Variants in PTPRD observed in about 807,000 individuals in gnomAD.
The protein encoded by PTPRD is receptor-type tyrosine-protein phosphatase delta.
Under a neutral mutation model 214.5 loss-of-function variants are expected in PTPRD, and 34 were observed. The ratio of observed to expected loss-of-function variants is 0.16; its 90% CI spans 0.12 to 0.21. The LOEUF (loss-of-function observed/expected upper bound fraction) is 0.21. Among genes scored for constraint, PTPRD ranks in the 10% least tolerant of loss-of-function variants. The pLI is 1.00. For missense variants in PTPRD, 2,545 were observed against 2,398.7 expected (o/e 1.06, Z -1.27); for synonymous variants, 1,128 against 845.7 (o/e 1.33, Z -5.79).
At chr9:8,675,968 C>A (rs10124538) in intron 12 of PTPRD, among the ~76,000 whole-genome samples, 1 of 152,154 alleles carries the variant, frequency 6.6e-6, no homozygotes, top group South Asian at 2.1e-4. Flanking sequence ...TCAACTCCAA[C>A]CCTCAGAATC....
intron 43 of PTPRD, 69 bp from the exon 44 acceptor site, chr9:8,331,805 CACAAGA>C: frequency 3.4e-6 from 5 of 1,474,416 alleles, no homozygotes; most frequent in Non-Finnish European, 4.5e-6. Flanking sequence ...GCATACGGAC[CACAAGA>C]ACAATCATTT....
chr9:8,626,942 A>G (rs558265842), intron 14 of PTPRD, among the ~76,000 whole-genome samples: 1 of 151,804 alleles, frequency 6.6e-6, no homozygotes, highest in African/African-American at 2.4e-5. Flanking sequence ...CTCTTTCTCC[A>G]GAGAACCCTA....
chr9:9,243,312 C>A (rs1034346204), intron 9 of PTPRD, among the ~76,000 whole-genome samples: 2 of 152,108 alleles, frequency 1.3e-5, no homozygotes, highest in Admixed American at 6.6e-5. Context: ...CATCCCGATA[C>A]CAAAGCCTGG....
intron 2 of PTPRD, among the ~76,000 whole-genome samples, chr9:10,369,300 C>T (rs1314252885): frequency 6.6e-6 from 1 of 152,078 alleles, no homozygotes; most frequent in Non-Finnish European, 1.5e-5. Context: ...TCAATTAGCA[C>T]ATTGCATCTA....
At chr9:10,015,575 C>T (rs989615115) in intron 4 of PTPRD, among the ~76,000 whole-genome samples, 4 of 152,084 alleles carry the variant, frequency 2.6e-5, no homozygotes, top group Non-Finnish European at 5.9e-5. Context: ...AAGTAGGAGT[C>T]AATCCAAGCC....
At chr9:10,440,038 G>C (rs2098748532) in intron 2 of PTPRD, among the ~76,000 whole-genome samples, 2 of 150,954 alleles carry the variant, frequency 1.3e-5, no homozygotes, top group African/African-American at 4.9e-5. Context: ...ATATATAATA[G>C]TTTCAAATAT....
Position 8,316,789 on chromosome 9 carries a change from A to G in PTPRD, c.*1085T>C, listed in dbSNP as rs1314275977. 3.0e-5 allele frequency: 7 copies of G among 231,338 alleles called. No individual in the cohort carries two copies. Among genetic ancestry groups the G allele is most frequent in the South Asian group, 1.8e-4 (1 of 5,512 alleles). The allele number at this position is 231,338 out of a possible 1,614,324, so 14.3% of individuals were successfully genotyped here. ...AATCAATCACTGATGTGCATTCCTC[A>G]TTTCCCTTTAAAGAAATACCAATAT... On this transcript the variant is annotated 3_prime_UTR_variant, in exon 46 of 46. Transcript: ENST00000381196.
intron 6 of PTPRD, among the ~76,000 whole-genome samples, chr9:9,754,678 T>G (rs1462714643): frequency 6.6e-6 from 1 of 152,106 alleles, no homozygotes; most frequent in African/African-American, 2.4e-5. Flanking sequence ...TCACAAAGTA[T>G]AATTGGAAGG....
Position 10,184,764 on chromosome 9 carries a change from T to C in PTPRD, c.-544-150974A>G, listed in dbSNP as rs564034294. On this transcript the variant is annotated intron_variant, in intron 3 of 45. Coordinates refer to ENST00000381196, the MANE Select transcript of PTPRD (RefSeq NM_002839.4). ...GGCAGAATAAGCAATATCTCTTGAG[T>C]CAGTCAAAGTGATAAATGCGAGGTT... 7.2e-5 allele frequency among the ~76,000 whole-genome samples: 11 copies of C among 152,258 alleles called. No homozygotes were observed. In the East Asian group the frequency reaches 1.9e-3, roughly 27 times the overall value.
rs193155788 is a variant in PTPRD at position 9,878,307 on chromosome 9, G to C, written c.-368+60200C>G. Among the ~76,000 whole-genome samples, 258 of 152,244 alleles carry C rather than the reference G, an allele frequency of 1.7e-3. 2 individuals are homozygous for C. Among genetic ancestry groups the C allele is most frequent in the African/African-American group, 5.9e-3 (247 of 41,556 alleles). ...CTAGATATTATATGCTATGCTATTT[G>C]AGAGAGTTCCAAGAGCTTACATTGT... On this transcript the variant is annotated intron_variant, in intron 5 of 45. Coordinates refer to ENST00000381196, the MANE Select transcript of PTPRD (RefSeq NM_002839.4).
chr9:9,147,905 G>T (rs2099871386), intron 10 of PTPRD, among the ~76,000 whole-genome samples: 1 of 152,190 alleles, frequency 6.6e-6, no homozygotes, highest in South Asian at 2.1e-4. Flanking sequence ...GAGGAAGGCA[G>T]TTGTGGAAGG....
intron 2 of PTPRD, among the ~76,000 whole-genome samples, chr9:10,439,263 C>T (rs910989929): frequency 6.6e-6 from 1 of 151,676 alleles, no homozygotes; most frequent in Non-Finnish European, 1.5e-5. Flanking sequence ...TTTTTATGAC[C>T]CAGCTAGGGA....
intron 2 of PTPRD, among the ~76,000 whole-genome samples, chr9:10,528,287 C>T (rs1240411084): frequency 2.6e-5 from 4 of 152,140 alleles, no homozygotes; most frequent in Middle Eastern, 3.2e-3. Context: ...GCTGTGCATC[C>T]GTGCATGAGT....
At chr9:9,210,964 A>T (rs953979701) in intron 9 of PTPRD, among the ~76,000 whole-genome samples, 1 of 148,054 alleles carries the variant, frequency 6.8e-6, no homozygotes, top group African/African-American at 2.5e-5. Flanking sequence ...GAAATTTCTT[A>T]TTTTTCTTCC....
At chr9:9,618,302 G>C (rs777320075) in intron 7 of PTPRD, among the ~76,000 whole-genome samples, 1 of 151,656 alleles carries the variant, frequency 6.6e-6, no homozygotes, top group Non-Finnish European at 1.5e-5. Context: ...ACAATTTTAA[G>C]TTGAGATTTA....
intron 10 of PTPRD, among the ~76,000 whole-genome samples, chr9:9,136,708 T>C (rs2154478437): frequency 6.6e-6 from 1 of 152,332 alleles, no homozygotes; most frequent in South Asian, 2.1e-4. Context: ...TTTATCTGTA[T>C]GTATTTGCCC....
At chr9:10,050,017 T>C (rs2097498277) in intron 3 of PTPRD, among the ~76,000 whole-genome samples, 1 of 152,160 alleles carries the variant, frequency 6.6e-6, no homozygotes, top group South Asian at 2.1e-4. Flanking sequence ...GGAAGAAGGT[T>C]CTGTGAAGCC....
Position 9,906,232 on chromosome 9 carries a change from T to A in PTPRD, c.-368+32275A>T, listed in dbSNP as rs2077533863. Among the ~76,000 whole-genome samples, 3 of 151,936 alleles carry A rather than the reference T, an allele frequency of 2.0e-5. No individual in the cohort carries two copies. The South Asian group carries it at 6.2e-4, about 31-fold the overall frequency. On this transcript the variant is annotated intron_variant, in intron 5 of 45. Coordinates refer to ENST00000381196, the MANE Select transcript of PTPRD (RefSeq NM_002839.4). ...AACCAGTTTCATGACATATTTGTTATAAAATATTAAGGAAAGAAAAAAAGA... is the reference window on the plus strand; with the variant it reads ...AACCAGTTTCATGACATATTTGTTAAAAAATATTAAGGAAAGAAAAAAAGA...
At chr9:9,617,703 A>C (rs999834067) in intron 7 of PTPRD, among the ~76,000 whole-genome samples, 1 of 152,098 alleles carries the variant, frequency 6.6e-6, no homozygotes, top group Non-Finnish European at 1.5e-5. Flanking sequence ...GGCCAGTGTA[A>C]GAGATTAGGA....
Sources: allele counts gnomAD v4.1 joint callset (sites outside exome capture counted in the v4.1 genomes callset), GRCh38; gene constraint gnomAD v4.1.1; transcripts MANE v1.5; gene names NCBI Gene and HGNC (gene_info 2026-07-23, HGNC 2026-07-21).